ATP6V1H: variants seen among roughly 807,000 people sequenced by gnomAD.
ATP6V1H encodes the protein ATPase H+ transporting V1 subunit H.
Under a neutral mutation model 71.7 loss-of-function variants are expected in ATP6V1H, and 39 were observed. The observed-to-expected ratio is 0.54, with a 90% CI of 0.42 to 0.71. ATP6V1H has a LOEUF of 0.71. Ranked by LOEUF, ATP6V1H falls within the 30% of genes least tolerant of loss-of-function variation. The pLI is 0.00. For synonymous variants in ATP6V1H, 192 were observed against 199.3 expected, an observed-to-expected ratio of 0.96 and a Z score of 0.31; for missense variants, 509 against 594.9, an observed-to-expected ratio of 0.86 and a Z score of 1.50.
intron 13 of ATP6V1H, among the ~76,000 whole-genome samples, chr8:53,735,526 C>T (rs1363527984): frequency 5.3e-5 from 8 of 152,134 alleles, no homozygotes; most frequent in Non-Finnish European, 1.5e-5. Context: ...TGCCTATGCT[C>T]CTCCTCCAAG....
intron 9 of ATP6V1H, among the ~76,000 whole-genome samples, chr8:53,784,732 G>C (rs1809306266): frequency 6.6e-6 from 1 of 152,126 alleles, no homozygotes; most frequent in Middle Eastern, 3.2e-3. Flanking sequence ...GGGCAGGCCT[G>C]GTAGTGACAA....
At position 53,801,891 on chromosome 8, in the gene ATP6V1H, C is replaced by T. The variant is rs749823612; in HGVS notation, c.585G>A (p.Ser195=). The T allele has an allele frequency of 1.5e-5, 25 of 1,612,932 alleles. No homozygotes were observed. Among genetic ancestry groups the T allele is most frequent in the South Asian group, 4.4e-5 (4 of 90,900 alleles). Residue 195 remains serine (S), a synonymous_variant, in exon 8 of 14, where the codon TCG becomes TCA. Coordinates refer to ENST00000359530, the MANE Select transcript of ATP6V1H (RefSeq NM_015941.4). ...ACCCGGCCACGCACTGCACATACTGCGAACTCTGCACAAGAAGAAGTGTTG... is the reference window on the plus strand; with the variant it reads ...ACCCGGCCACGCACTGCACATACTGTGAACTCTGCACAAGAAGAAGTGTTG... ...ETGTVSSSDS[S]QYVQCVAGCL...
At chr8:53,839,628 T>C in intron 2 of ATP6V1H, 5 of 985,434 alleles carry the variant, frequency 5.1e-6, no homozygotes, top group Non-Finnish European at 6.0e-6. Flanking sequence ...AACTCACCCT[T>C]CATGCTGCTA....
rs574351330 is a variant in ATP6V1H, at chr8:53,784,729, C to T, written c.870+10918G>A. 2.5e-3 allele frequency among the ~76,000 whole-genome samples: 385 copies of T among 152,256 alleles called. 1 individual carries two copies. Among genetic ancestry groups the T allele is most frequent in the African/African-American group, 8.7e-3 (363 of 41,538 alleles). ...CCTTCAGGAGCTCTTGTAGGGCAGG[C>T]CTGGTAGTGACAAAATCTCTCAGCA... On this transcript the variant is annotated intron_variant, in intron 9 of 13. Coordinates refer to ENST00000359530, the MANE Select transcript of ATP6V1H (RefSeq NM_015941.4).
intron 9 of ATP6V1H, among the ~76,000 whole-genome samples, chr8:53,784,404 A>G (rs1158127030): frequency 6.6e-6 from 1 of 151,966 alleles, no homozygotes; most frequent in African/African-American, 2.4e-5. Context: ...ATCTTCCTCC[A>G]TCCCTTTATT....
Position 53,772,135 on chromosome 8 carries a change from A to C in ATP6V1H, c.903T>G (p.Thr301=). 1 of 1,613,026 alleles carries C rather than the reference A, an allele frequency of 6.2e-7. No individual in the cohort carries two copies. Among genetic ancestry groups the C allele is most frequent in the Non-Finnish European group, 8.5e-7 (1 of 1,179,778 alleles). ...NFLEKSTERE[T]RQEYALAMIQ... The stretch of plus-strand genomic sequence containing the variant: ...TCATAGCCAGGGCATATTCTTGGCG[A>C]GTTTCTCTTTCAGTTGATTTTTCTA... The change falls in exon 10 of 14, where the codon ACT becomes ACG. Residue 301 remains threonine, a synonymous_variant. Transcript: ENST00000359530.
At chr8:53,799,759 G>C (rs1419654040) in intron 8 of ATP6V1H, among the ~76,000 whole-genome samples, 1 of 152,150 alleles carries the variant, frequency 6.6e-6, no homozygotes, top group African/African-American at 2.4e-5. Context: ...GAGCACTCAT[G>C]AATGGGATTA....
chr8:53,771,897 G>A, intron 10 of ATP6V1H, 92 bp downstream of exon 10: 1 of 1,139,378 alleles, frequency 8.8e-7, no homozygotes, highest in Non-Finnish European at 1.3e-6. Flanking sequence ...GATTTGTATA[G>A]GTGACAACAA....
intron 12 of ATP6V1H, among the ~76,000 whole-genome samples, chr8:53,754,997 G>A (rs1402634892): frequency 6.6e-6 from 1 of 152,190 alleles, no homozygotes. Flanking sequence ...GGGTGCAGGG[G>A]CTACCATTAT....
intron 7 of ATP6V1H, among the ~76,000 whole-genome samples, chr8:53,805,590 A>C (rs1810054959): frequency 6.6e-6 from 1 of 152,206 alleles, no homozygotes; most frequent in Non-Finnish European, 1.5e-5. Context: ...CTGAAAAAAC[A>C]GGCAAGATCC....
At position 53,743,590 on chromosome 8, in the gene ATP6V1H, T is replaced by C; in HGVS notation, c.1378A>G (p.Met460Val). Residue 460 changes from methionine to valine, a missense_variant, in exon 13 of 14, where the codon ATG becomes GTG. This residue lies in a region of ATP6V1H where 212 missense variants were observed against 291.6 expected (regional missense o/e 0.73). Coordinates refer to ENST00000359530, the MANE Select transcript of ATP6V1H (RefSeq NM_015941.4). Reference protein sequence around the residue: ...YNALLAVQKLMVHNWEYLGKQ... With the variant: ...YNALLAVQKLVVHNWEYLGKQ... ...GCCGTGGCATACCAGTTGTGCACCATGAGCTTCTGCACGGCCAGCAGAGCA... is the reference window on the plus strand; with the variant it reads ...GCCGTGGCATACCAGTTGTGCACCACGAGCTTCTGCACGGCCAGCAGAGCA... 6.2e-7 allele frequency: 1 copy of C among 1,610,206 alleles called. No homozygotes were observed. Among genetic ancestry groups the C allele is most frequent in the Non-Finnish European group, 8.5e-7 (1 of 1,176,526 alleles).
intron 13 of ATP6V1H, among the ~76,000 whole-genome samples, chr8:53,736,885 C>T (rs1807222599): frequency 6.6e-6 from 1 of 152,240 alleles, no homozygotes; most frequent in Non-Finnish European, 1.5e-5. Context: ...CAGCGCCACA[C>T]CCCAGGCCTG....
intron 13 of ATP6V1H, among the ~76,000 whole-genome samples, chr8:53,716,697 G>C (rs1806437252): frequency 6.6e-6 from 1 of 152,098 alleles, no homozygotes; most frequent in African/African-American, 2.4e-5. Context: ...TCAGAGCAGT[G>C]GTCCCCAATC....
At chr8:53,774,589 T>C (rs1489124856) in intron 9 of ATP6V1H, among the ~76,000 whole-genome samples, 1 of 152,148 alleles carries the variant, frequency 6.6e-6, no homozygotes, top group Non-Finnish European at 1.5e-5. Flanking sequence ...AATGATAAAG[T>C]GGCTTCTATC....
At chr8:53,756,691 C>T in intron 11 of ATP6V1H, 35 bp from the exon 12 acceptor site, 1 of 1,449,658 alleles carries the variant, frequency 6.9e-7, no homozygotes, top group Admixed American at 1.7e-5. Flanking sequence ...AGATCAAGTT[C>T]TAATTTTTCT....
intron 9 of ATP6V1H, among the ~76,000 whole-genome samples, chr8:53,783,057 A>C (rs1239485055): frequency 3.9e-5 from 6 of 152,156 alleles, no homozygotes; most frequent in South Asian, 2.1e-4. Flanking sequence ...CTGGCCTCAT[A>C]AAATGAGTTA....
At chr8:53,822,875 T>C (rs1170241422) in intron 4 of ATP6V1H, among the ~76,000 whole-genome samples, 1 of 152,052 alleles carries the variant, frequency 6.6e-6, no homozygotes, top group Non-Finnish European at 1.5e-5. Flanking sequence ...TAAGCCAAAA[T>C]GTATTAAGTA....
At chr8:53,759,569 T>TC (rs772996490) in intron 11 of ATP6V1H, among the ~76,000 whole-genome samples, 3 of 152,226 alleles carry the variant, frequency 2.0e-5, no homozygotes, top group Non-Finnish European at 4.4e-5. Flanking sequence ...GAATTCTGCC[T>TC]CGACATTAGC....
chr8:53,833,103 A>G lies in ATP6V1H; in HGVS notation c.114-17T>C. The G allele has an allele frequency of 6.3e-7, 1 of 1,594,984 alleles. No homozygotes were observed. The highest frequency in any genetic ancestry group is 2.2e-5 in the East Asian group (1 of 44,654). On this transcript the variant is annotated splice_polypyrimidine_tract_variant and intron_variant, in intron 2 of 13. Transcript: ENST00000359530. ...ATCTGTCCCCTAGAAAGTAAGAATA[A>G]GATGTTTTGTTCAGTAAGAGTTGAA...
Sources: gnomAD v4.1 joint callset for allele counts (sites outside exome capture counted in the v4.1 genomes callset) on GRCh38, gnomAD v4.1.1 for gene constraint, gnomAD v4.1.1 regional missense constraint, MANE v1.5 for transcripts, NCBI Gene and HGNC (gene_info 2026-07-23, HGNC 2026-07-21) for gene names.